PLD1: variants seen among roughly 807,000 people sequenced by gnomAD.
PLD1 encodes phospholipase D1, also known as choline phosphatase 1.
In PLD1, 112 loss-of-function variants were observed where a neutral mutation model predicts 137.1. The ratio of observed to expected loss-of-function variants is 0.82; its 90% confidence interval spans 0.70 to 0.96. The LOEUF (loss-of-function observed/expected upper bound fraction) is 0.96, where lower values mean the gene tolerates loss of function less well. Ranked by LOEUF, PLD1 falls within the 40% of genes least tolerant of loss-of-function variation. The pLI is 0.00. For missense variants in PLD1, 1,321 were observed against 1,342.0 expected, an observed-to-expected ratio of 0.98 and a Z score of 0.24; for synonymous variants, 431 against 454.7, an observed-to-expected ratio of 0.95 and a Z score of 0.66.
At chr3:171,687,317 C>T (rs1714666391) in intron 15 of PLD1, 54 bp downstream of exon 15, 7 of 1,411,942 alleles carry the variant, frequency 5.0e-6, no homozygotes, top group Non-Finnish European at 7.0e-6. Flanking sequence ...TAGTGTCTGG[C>T]TATGGAAGAA....
Position 171,747,046 on chromosome 3 carries a change from A to C in PLD1, c.-31-8964T>G, listed in dbSNP as rs141435409. On this transcript the variant is annotated intron_variant, in intron 1 of 26. Coordinates refer to ENST00000351298, the MANE Select transcript of PLD1 (RefSeq NM_002662.5). ...CCCACCCGGAGAAATGAACAACTCC[A>C]GACGCGCCACTTTAAGAGCTGTGGC... Among the ~76,000 whole-genome samples the C allele has an allele frequency of 3.7e-3, 563 of 152,164 alleles. 3 individuals carry two copies. The highest frequency in any genetic ancestry group is 5.9e-3 in the Non-Finnish European group (403 of 67,980).
At chr3:171,605,208 C>T in intron 26 of PLD1, 91 bp downstream of exon 26, 1 of 822,446 alleles carries the variant, frequency 1.2e-6, no homozygotes. Flanking sequence ...ATTAAGAATA[C>T]CCTGTACCAA....
chr3:171,603,306 AT>A lies in PLD1; in HGVS notation c.3001-5del. 6.2e-7 allele frequency: 1 copy of A among 1,604,522 alleles called. No individual in the cohort carries two copies. The highest frequency in any genetic ancestry group is 8.5e-7 in the Non-Finnish European group (1 of 1,171,548). On this transcript the variant is annotated splice_polypyrimidine_tract_variant and splice_region_variant and intron_variant, in intron 26 of 26. Transcript: ENST00000351298. ...CATTGGGAAGGCACCGGAAAACCTGATTAGAGCATAAATAGAAAAATGAGTG... is the reference window on the plus strand; with the variant it reads ...CATTGGGAAGGCACCGGAAAACCTGATAGAGCATAAATAGAAAAATGAGTG...
chr3:171,645,118 G>T (rs1214485245), intron 21 of PLD1, 95 bp from the exon 22 acceptor site: 2 of 793,634 alleles, frequency 2.5e-6, no homozygotes, highest in South Asian at 1.4e-5. Context: ...TTTTGAGATT[G>T]AGTGAATGGC....
At chr3:171,809,847 C>G (rs1323842045) in intron 1 of PLD1, 1 of 152,590 alleles carries the variant, frequency 6.6e-6, no homozygotes, top group East Asian at 1.9e-4. Flanking sequence ...CGCCCCACCT[C>G]CGAGTGGTCA....
intron 6 of PLD1, among the ~76,000 whole-genome samples, chr3:171,730,666 T>C (rs1007413855): frequency 1.3e-5 from 2 of 151,360 alleles, no homozygotes; most frequent in Non-Finnish European, 2.9e-5. Context: ...TTTGGCAGAG[T>C]CTTCCTCTAT....
At chr3:171,652,291 T>C (rs1190287853) in intron 21 of PLD1, among the ~76,000 whole-genome samples, 2 of 151,762 alleles carry the variant, frequency 1.3e-5, no homozygotes, top group African/African-American at 4.8e-5. Context: ...CAGGCACCTG[T>C]AGTCCCAGCT....
At chr3:171,633,176 T>C (rs1482050661) in intron 23 of PLD1, among the ~76,000 whole-genome samples, 2 of 151,916 alleles carry the variant, frequency 1.3e-5, no homozygotes, top group African/African-American at 4.8e-5. Context: ...AAAAAACAAA[T>C]AGAGAAAATA....
At chr3:171,660,229 T>C (rs1737554809) in intron 20 of PLD1, among the ~76,000 whole-genome samples, 1 of 152,242 alleles carries the variant, frequency 6.6e-6, no homozygotes, top group African/African-American at 2.4e-5. Context: ...GCTTTTATAC[T>C]TAAGTGCATA....
chr3:171,687,288 G>C, intron 15 of PLD1, 83 bp downstream of exon 15: 2 of 1,142,040 alleles, frequency 1.8e-6, no homozygotes, highest in South Asian at 1.3e-5. Flanking sequence ...CAGAAAGACA[G>C]ATTTTAAAAA....
At chr3:171,720,834 G>A (rs868827522) in intron 8 of PLD1, among the ~76,000 whole-genome samples, 2 of 152,106 alleles carry the variant, frequency 1.3e-5, no homozygotes, top group South Asian at 2.1e-4. Flanking sequence ...AAAAGAGGGG[G>A]CATATTTATT....
chr3:171,752,312 T>G (rs977263158), intron 1 of PLD1, among the ~76,000 whole-genome samples: 11 of 152,112 alleles, frequency 7.2e-5, no homozygotes, highest in Non-Finnish European at 1.5e-4. Context: ...GTGGTAACCT[T>G]TAGCAAGAGA....
intron 21 of PLD1, among the ~76,000 whole-genome samples, chr3:171,655,582 CCCGCCT>C (rs1737119762): frequency 6.6e-6 from 1 of 152,110 alleles, no homozygotes; most frequent in Admixed American, 6.6e-5. Context: ...TAGAAATCCT[CCCGCCT>C]CCGCCTCCCA....
At chr3:171,610,185 C>T (rs912509230) in intron 25 of PLD1, among the ~76,000 whole-genome samples, 1 of 152,012 alleles carries the variant, frequency 6.6e-6, no homozygotes, top group Non-Finnish European at 1.5e-5. Flanking sequence ...TACAAACATA[C>T]CCATTTTTTT....
At chr3:171,773,698 A>G (rs1036212644) in intron 1 of PLD1, among the ~76,000 whole-genome samples, 1 of 152,244 alleles carries the variant, frequency 6.6e-6, no homozygotes, top group Non-Finnish European at 1.5e-5. Context: ...AAAGTGCTTT[A>G]TAAGTACCAA....
intron 1 of PLD1, among the ~76,000 whole-genome samples, chr3:171,795,837 G>A (rs1723414049): frequency 6.6e-6 from 1 of 152,180 alleles, no homozygotes; most frequent in Non-Finnish European, 1.5e-5. Flanking sequence ...AGAATGGAAA[G>A]GTCTGGCCCA....
At chr3:171,792,192 C>T (rs1231306255) in intron 1 of PLD1, 1 of 199,854 alleles carries the variant, frequency 5.0e-6, no homozygotes, top group Non-Finnish European at 1.0e-5. Flanking sequence ...ACTGTCCTAC[C>T]AGTATCTATT....
intron 1 of PLD1, among the ~76,000 whole-genome samples, chr3:171,769,516 T>C (rs946999740): frequency 6.6e-6 from 1 of 152,218 alleles, no homozygotes; most frequent in South Asian, 2.1e-4. Flanking sequence ...AGCAAAGTCA[T>C]AGCAATCTTT....
At chr3:171,728,306 A>G in intron 6 of PLD1, among the ~76,000 whole-genome samples, 1 of 152,336 alleles carries the variant, frequency 6.6e-6, no homozygotes, top group Non-Finnish European at 1.5e-5. Flanking sequence ...ACACAGCAGG[A>G]CTGTCTCAAA....
Sources: gnomAD v4.1 joint callset for allele counts (sites outside exome capture counted in the v4.1 genomes callset) on GRCh38, gnomAD v4.1.1 for gene constraint, MANE v1.5 for transcripts, NCBI Gene and HGNC (gene_info 2026-07-23, HGNC 2026-07-21) for gene names.